The following SLC49A4 variants were observed in gnomAD, a reference collection of about 807,000 sequenced individuals.
SLC49A4 encodes solute carrier family 49 member 4.
A neutral mutation model predicts 50.6 loss-of-function variants in SLC49A4; 36 were observed. That is an observed-to-expected ratio of 0.71 (90% CI 0.55 to 0.94). The LOEUF (loss-of-function observed/expected upper bound fraction) is 0.94, where lower values mean the gene tolerates loss of function less well. SLC49A4 is among the 40% of genes least tolerant of loss of function. The pLI is 0.00. For missense variants in SLC49A4, 503 were observed against 605.7 expected (o/e 0.83, Z 1.78); for synonymous variants, 248 against 241.2 (o/e 1.03, Z -0.26).
At chr3:122,835,928 A>G (rs1382615486) in intron 4 of SLC49A4, among the ~76,000 whole-genome samples, 1 of 152,168 alleles carries the variant, frequency 6.6e-6, no homozygotes, top group Non-Finnish European at 1.5e-5. Flanking sequence ...AAATCAGTGT[A>G]CACAAATCAG....
At chr3:122,817,510 A>G (rs984479450) in intron 2 of SLC49A4, among the ~76,000 whole-genome samples, 1 of 152,190 alleles carries the variant, frequency 6.6e-6, no homozygotes, top group African/African-American at 2.4e-5. Flanking sequence ...TAGCAGGACT[A>G]GGAAACTAGT....
chr3:122,842,485 CAAAAAAAAAAAAA>C (rs34914829), intron 4 of SLC49A4, among the ~76,000 whole-genome samples: 1 of 58,778 alleles, frequency 1.7e-5, no homozygotes. Flanking sequence ...GACTCCGTCT[CAAAAAAAAAAAAA>C]AAAAAAAAAA....
intron 1 of SLC49A4, among the ~76,000 whole-genome samples, chr3:122,796,948 A>G (rs1016296966): frequency 2.0e-5 from 3 of 152,238 alleles, no homozygotes; most frequent in Non-Finnish European, 2.9e-5. Flanking sequence ...GCAAAAGTCA[A>G]GTGTAGGTAG....
intron 4 of SLC49A4, among the ~76,000 whole-genome samples, chr3:122,838,776 A>G (rs1051971705): frequency 7.2e-5 from 11 of 152,152 alleles, no homozygotes; most frequent in Non-Finnish European, 1.5e-4. Flanking sequence ...ATGTTCATGG[A>G]TTGGAAGAAT....
At chr3:122,812,067 T>A (rs906251106) in intron 2 of SLC49A4, among the ~76,000 whole-genome samples, 3 of 152,188 alleles carry the variant, frequency 2.0e-5, no homozygotes, top group Admixed American at 6.5e-5. Context: ...GGGATCCTCC[T>A]GCCTCAGCCT....
At chr3:122,806,272 G>A (rs139797451) in intron 1 of SLC49A4, among the ~76,000 whole-genome samples, 2 of 151,982 alleles carry the variant, frequency 1.3e-5, no homozygotes, top group African/African-American at 2.4e-5. Flanking sequence ...ATATCTGAAC[G>A]GAACATTTTA....
intron 1 of SLC49A4, among the ~76,000 whole-genome samples, chr3:122,801,123 G>C (rs1253676775): frequency 6.6e-6 from 1 of 152,216 alleles, no homozygotes; most frequent in Non-Finnish European, 1.5e-5. Context: ...AGAGTAGAGG[G>C]TTAGGTAGAG....
chr3:122,855,876 C>A (rs1016450559), intron 5 of SLC49A4, among the ~76,000 whole-genome samples: 1 of 152,198 alleles, frequency 6.6e-6, no homozygotes, highest in Non-Finnish European at 1.5e-5. Flanking sequence ...ACTTCTTTTT[C>A]TCTGTCTACT....
intron 7 of SLC49A4, among the ~76,000 whole-genome samples, chr3:122,862,387 A>T (rs1049070721): frequency 6.6e-6 from 1 of 152,194 alleles, no homozygotes; most frequent in Non-Finnish European, 1.5e-5. Context: ...CTCTGTACAC[A>T]TGCTTTGCCT....
intron 2 of SLC49A4, among the ~76,000 whole-genome samples, chr3:122,812,660 A>C (rs1936315236): frequency 6.6e-6 from 1 of 152,208 alleles, no homozygotes; most frequent in Admixed American, 6.5e-5. Flanking sequence ...TACTCATTTA[A>C]ATTTGAGAAC....
At position 122,795,449 on chromosome 3, in the gene SLC49A4, C is replaced by T. The variant is rs773603081; in HGVS notation, c.257C>T (p.Ser86Phe). 49 of 1,607,402 alleles carry T rather than the reference C, an allele frequency of 3.0e-5. No individual in the cohort carries two copies. Among genetic ancestry groups the T allele is most frequent in the East Asian group, 2.2e-5 (1 of 44,740 alleles). Residue 86 changes from serine (S) to phenylalanine (F), a missense_variant, in exon 1 of 9, where the codon TCC (serine) becomes TTC (phenylalanine). By Grantham distance (155) the Ser-to-Phe change is radical. Coordinates refer to ENST00000261038, the MANE Select transcript of SLC49A4 (RefSeq NM_032839.3). The stretch of plus-strand genomic sequence containing the variant: ...TCGGCGCGCCAGGCCTACGGCTTCT[C>T]CAGCTGGGACATCGCGCTGCTCGTG... ...QNSARQAYGFSSWDIALLVLW... is the reference protein window; with the variant it reads ...QNSARQAYGFFSWDIALLVLW...
rs575657307 is a variant in SLC49A4 at position 122,856,514 on chromosome 3, A to G, written c.1010+140A>G. 38 of 776,242 alleles carry G rather than the reference A, an allele frequency of 4.9e-5. No individual in the cohort carries two copies. The Admixed American group carries it at 8.7e-4, about 18-fold the overall frequency. The allele number at this position is 776,242 out of a possible 1,614,324, so 48.1% of individuals were successfully genotyped here. On this transcript the variant is annotated intron_variant, in intron 6 of 8. Transcript: ENST00000261038. The stretch of plus-strand genomic sequence containing the variant: ...TCAGAAAGGGGTACTTGTTCAGAGT[A>G]CAAGAAAATTCATATGCGTTATATA...
Position 122,795,326 on chromosome 3 carries a change from G to T in SLC49A4, c.134G>T (p.Gly45Val). The stretch of plus-strand genomic sequence containing the variant: ...CTGCCCGCGGCGGTCCCGGGTCCCG[G>T]GCGGGTATACGGGCGCCGCTGGCTG... ...AALPAAVPGP[G>V]RVYGRRWLVL... The change falls in exon 1 of 9, where the codon GGG (glycine) becomes GTG (valine). Residue 45 changes from glycine (G) to valine (V), a missense_variant. Physicochemically the swap from Gly to Val is moderately radical, Grantham distance 109. Coordinates refer to ENST00000261038, the MANE Select transcript of SLC49A4 (RefSeq NM_032839.3). 2 of 1,516,556 alleles carry T rather than the reference G, an allele frequency of 1.3e-6. No individual in the cohort carries two copies. Among genetic ancestry groups the T allele is most frequent in the East Asian group, 5.4e-5 (2 of 37,266 alleles). 93.9% of individuals were successfully genotyped at this position (1,516,556 alleles called of 1,614,324 possible).
At chr3:122,870,072 T>A (rs1937178314) in intron 7 of SLC49A4, among the ~76,000 whole-genome samples, 1 of 152,248 alleles carries the variant, frequency 6.6e-6, no homozygotes, top group African/African-American at 2.4e-5. Flanking sequence ...ATTTTTCAAT[T>A]ATTACATTTT....
intron 7 of SLC49A4, among the ~76,000 whole-genome samples, chr3:122,864,194 ATATATCCTCTTGGATGCTTTTCCTTAGGG>A (rs1937088755): frequency 6.6e-6 from 1 of 152,236 alleles, no homozygotes; most frequent in African/African-American, 2.4e-5. Flanking sequence ...ACTTGCTTAC[ATATATCCTCTTGGATGCTTTTCCTTAGGG>A]AAACTCAGAA....
chr3:122,835,152 T>C (rs1372589284), intron 4 of SLC49A4, among the ~76,000 whole-genome samples: 2 of 152,146 alleles, frequency 1.3e-5, no homozygotes, highest in African/African-American at 2.4e-5. Context: ...TTTATACCAA[T>C]CCTACTGAAA....
chr3:122,854,894 A>G (rs1428121358), intron 5 of SLC49A4, among the ~76,000 whole-genome samples: 1 of 152,186 alleles, frequency 6.6e-6, no homozygotes, highest in African/African-American at 2.4e-5. Flanking sequence ...GATCAAGACC[A>G]TCCTGGCTAA....
At chr3:122,830,473 A>G (rs1433435419) in intron 3 of SLC49A4, among the ~76,000 whole-genome samples, 1 of 152,242 alleles carries the variant, frequency 6.6e-6, no homozygotes, top group African/African-American at 2.4e-5. Flanking sequence ...AAATCAGTAG[A>G]ATAGAAATGA....
At chr3:122,844,394 A>C (rs1226268053) in intron 4 of SLC49A4, among the ~76,000 whole-genome samples, 1 of 152,016 alleles carries the variant, frequency 6.6e-6, no homozygotes, top group African/African-American at 2.4e-5. Flanking sequence ...TAAACTACCT[A>C]CTCATTTGAT....
Sources: gnomAD v4.1 joint callset for allele counts (sites outside exome capture counted in the v4.1 genomes callset) on GRCh38, gnomAD v4.1.1 for gene constraint, MANE v1.5 for transcripts, NCBI Gene and HGNC (gene_info 2026-07-23, HGNC 2026-07-21) for gene names.